NPEPL1: variants seen among roughly 807,000 people sequenced by gnomAD.
NPEPL1 encodes the protein probable aminopeptidase NPEPL1.
In NPEPL1, 45 loss-of-function variants were observed where a neutral mutation model predicts 52.4. That is an observed-to-expected ratio of 0.86 (90% CI 0.68 to 1.10). The LOEUF is 1.10. Among genes scored for constraint, NPEPL1 ranks in the 50% least tolerant of loss-of-function variants. The probability of loss-of-function intolerance (pLI) is 0.00; values close to 1 mark genes in which losing one functional copy is unlikely to be tolerated. For synonymous variants in NPEPL1, 360 were observed against 314.7 expected, an observed-to-expected ratio of 1.14 and a Z score of -1.52; for missense variants, 696 against 710.9, an observed-to-expected ratio of 0.98 and a Z score of 0.24.
At chr20:58,697,275 G>A (rs2084512935) in intron 3 of NPEPL1, among the ~76,000 whole-genome samples, 1 of 152,220 alleles carries the variant, frequency 6.6e-6, no homozygotes, top group African/African-American at 2.4e-5. Flanking sequence ...CCACAGGAGC[G>A]CTCTTGCGTC....
In NPEPL1 at chr20:58,699,089, C is replaced by T. The variant is rs984666688; in HGVS notation, c.598-108C>T. ...AAGCTGGCTCCCAAGCCCGGCTCCC[C>T]GACGCGGCACAGGCAGCGGTTCATC... is the stretch of plus-strand genomic sequence containing the variant. On this transcript the variant is annotated intron_variant, in intron 4 of 11. Coordinates refer to ENST00000356091, the MANE Select transcript of NPEPL1 (RefSeq NM_024663.4). The T allele has an allele frequency of 6.2e-5, 67 of 1,076,290 alleles. 1 individual carries two copies. Among genetic ancestry groups the T allele is most frequent in the South Asian group, 1.4e-4 (10 of 73,776 alleles). The allele number at this position is 1,076,290 out of a possible 1,614,324, so 66.7% of individuals were successfully genotyped here.
intron 6 of NPEPL1, chr20:58,703,787 C>G (rs2084683216): frequency 1.2e-6 from 1 of 850,690 alleles, no homozygotes; most frequent in Non-Finnish European, 1.4e-6. Flanking sequence ...CACAGCTGCA[C>G]AGCCTTCAGG....
chr20:58,715,168 G>GGTGA lies in NPEPL1; in HGVS notation c.1416_1419dup (p.Arg474Ter). Reference sequence around the variant, plus strand: ...TCTGTGTCCTGCCCTTTGCTTGCAGGGTGAGCGAGCCACAGGCTTCGGTGT... The same window carrying GGTGA: ...TCTGTGTCCTGCCCTTTGCTTGCAGGGTGAGTGAGCGAGCCACAGGCTTCGGTGT... On this transcript the variant is annotated frameshift_variant and splice_region_variant, in exon 12 of 12. Coordinates refer to ENST00000356091, the MANE Select transcript of NPEPL1 (RefSeq NM_024663.4). LOFTEE classifies it high-confidence loss of function. 1 of 1,600,712 alleles carries GGTGA rather than the reference G, an allele frequency of 6.2e-7. No homozygotes were observed. Among genetic ancestry groups the GGTGA allele is most frequent in the Non-Finnish European group, 8.5e-7 (1 of 1,176,384 alleles).
At chr20:58,700,723 C>T (rs1568851800) in intron 5 of NPEPL1, among the ~76,000 whole-genome samples, 1 of 152,266 alleles carries the variant, frequency 6.6e-6, no homozygotes, top group South Asian at 2.1e-4. Flanking sequence ...TTTCATTCTG[C>T]AATCCTGTTC....
At chr20:58,694,930 G>T (rs1448965061) in intron 3 of NPEPL1, among the ~76,000 whole-genome samples, 1 of 137,250 alleles carries the variant, frequency 7.3e-6, no homozygotes, top group African/African-American at 2.7e-5. Context: ...GTGTGTGTAT[G>T]TGCGTGCACA....
At chr20:58,698,369 G>A (rs1177800355) in intron 3 of NPEPL1, among the ~76,000 whole-genome samples, 1 of 152,180 alleles carries the variant, frequency 6.6e-6, no homozygotes, top group Non-Finnish European at 1.5e-5. Context: ...GGAATCAGGG[G>A]AGAAACAGGA....
At chr20:58,701,654 T>TG (rs1020834685) in intron 6 of NPEPL1, among the ~76,000 whole-genome samples, 2 of 152,000 alleles carry the variant, frequency 1.3e-5, no homozygotes, top group Non-Finnish European at 2.9e-5. Context: ...GCTTGCTGCT[T>TG]GGGGGCTTTG....
chr20:58,697,678 G>A (rs1009460773), intron 3 of NPEPL1, among the ~76,000 whole-genome samples: 1 of 152,230 alleles, frequency 6.6e-6, no homozygotes, highest in African/African-American at 2.4e-5. Flanking sequence ...GGGAGGCCGT[G>A]CAAGCAGCCA....
intron 7 of NPEPL1, 141 bp from the exon 8 acceptor site, chr20:58,712,338 G>A (rs2084866439): frequency 6.4e-6 from 4 of 626,354 alleles, no homozygotes; most frequent in South Asian, 5.5e-5. Context: ...GGGATGGCAG[G>A]GAGGGCGAGC....
chr20:58,693,151 G>A (rs2084389912), intron 1 of NPEPL1, 101 bp downstream of exon 1: 7 of 854,016 alleles, frequency 8.2e-6, no homozygotes, highest in Non-Finnish European at 8.4e-6. Flanking sequence ...CGCCGCCGCC[G>A]GGCCGGGCCC....
chr20:58,693,449 T>G (rs911539271), intron 1 of NPEPL1: 1 of 335,216 alleles, frequency 3.0e-6, no homozygotes, highest in African/African-American at 2.2e-5. Context: ...CCCTCTCTGG[T>G]GGAAGCCGCC....
chr20:58,702,538 T>C lies in NPEPL1; in HGVS notation c.822+1380T>C, dbSNP rs1001484165. ...ACTAATCATAAAAAGGGTTTTTTGT[T>C]TTTTTTTAATAGAAAAAACATGCCT... On this transcript the variant is annotated intron_variant, in intron 6 of 11. Coordinates refer to ENST00000356091, the MANE Select transcript of NPEPL1 (RefSeq NM_024663.4). Among the ~76,000 whole-genome samples, 45 of 152,066 alleles carry C rather than the reference T, an allele frequency of 3.0e-4. 1 individual carries two copies. The highest frequency in any genetic ancestry group is 9.4e-4 in the African/African-American group (39 of 41,398).
At chr20:58,704,606 C>T (rs2084702112) in intron 6 of NPEPL1, among the ~76,000 whole-genome samples, 1 of 152,184 alleles carries the variant, frequency 6.6e-6, no homozygotes, top group Non-Finnish European at 1.5e-5. Context: ...TACATTTTCA[C>T]AAATCCTGTC....
chr20:58,712,856 A>C, intron 8 of NPEPL1: 1 of 510,794 alleles, frequency 2.0e-6, no homozygotes, highest in Non-Finnish European at 3.6e-6. Context: ...AGGTCTTTCC[A>C]AAATTTAGGC....
In NPEPL1 at chr20:58,715,160, G is replaced by A; in HGVS notation, c.1414-8G>A. ...GCCCAGAGTCTGTGTCCTGCCCTTT[G>A]CTTGCAGGGTGAGCGAGCCACAGGC... On this transcript the variant is annotated splice_region_variant and splice_polypyrimidine_tract_variant and intron_variant, in intron 11 of 11. Coordinates refer to ENST00000356091, the MANE Select transcript of NPEPL1 (RefSeq NM_024663.4). 4.4e-6 allele frequency: 7 copies of A among 1,597,660 alleles called. No homozygotes were observed. Among genetic ancestry groups the A allele is most frequent in the Non-Finnish European group, 6.0e-6 (7 of 1,175,294 alleles).
chr20:58,714,591 G>A lies in NPEPL1; in HGVS notation c.1334G>A (p.Gly445Asp). ...DRDNSPSSCA[G>D]LFIASHIGFD... is the part of the protein sequence containing the mutation. Reference sequence around the variant, plus strand: ...GACAACAGCCCCAGCTCCTGTGCTGGCCTCTTCATCGCCTCACACATCGGC... The same window carrying A: ...GACAACAGCCCCAGCTCCTGTGCTGACCTCTTCATCGCCTCACACATCGGC... The change falls in exon 11 of 12, where the codon GGC (glycine) becomes GAC (aspartate). Residue 445 changes from glycine to aspartate, a missense_variant. Physicochemically the swap from Gly to Asp is moderately conservative, Grantham distance 94. Coordinates refer to ENST00000356091, the MANE Select transcript of NPEPL1 (RefSeq NM_024663.4). 1.3e-6 allele frequency: 2 copies of A among 1,593,132 alleles called. No individual in the cohort carries two copies. The highest frequency in any genetic ancestry group is 1.7e-6 in the Non-Finnish European group (2 of 1,171,930).
In NPEPL1 at chr20:58,713,392, C is replaced by G; in HGVS notation, c.1002-28C>G. The G allele has an allele frequency of 1.3e-6, 2 of 1,571,374 alleles. No individual in the cohort carries two copies. Among genetic ancestry groups the G allele is most frequent in the Non-Finnish European group, 1.7e-6 (2 of 1,154,732 alleles). ...GCCAGTGTCCCAGGAAATCCCGTCC[C>G]TGAGCGGGGATCTCTACCATGCCCC... On this transcript the variant is annotated intron_variant, in intron 8 of 11. Transcript: ENST00000356091. This position sits in a 1 kb window ranked among gnomAD's most constrained non-coding sequence, Gnocchi z 4.6.
intron 6 of NPEPL1, among the ~76,000 whole-genome samples, chr20:58,706,816 C>T (rs1161758781): frequency 6.6e-6 from 1 of 152,244 alleles, no homozygotes; most frequent in Non-Finnish European, 1.5e-5. Context: ...TTCTGCAGCT[C>T]CGGGCATCTC....
intron 5 of NPEPL1, among the ~76,000 whole-genome samples, chr20:58,700,626 G>A (rs765312582): frequency 5.9e-5 from 9 of 152,244 alleles, no homozygotes; most frequent in Non-Finnish European, 1.0e-4. Flanking sequence ...AGTGTGAAAG[G>A]GCGGTGCAGT....
Sources: allele counts gnomAD v4.1 joint callset (sites outside exome capture counted in the v4.1 genomes callset), GRCh38; gene constraint gnomAD v4.1.1; non-coding constraint Gnocchi (gnomAD v3.1); transcripts MANE v1.5; gene names NCBI Gene and HGNC (gene_info 2026-07-23, HGNC 2026-07-21).